The following MXRA5 variants were observed in gnomAD, a reference collection of about 807,000 sequenced individuals.
The protein encoded by MXRA5 is matrix-remodeling-associated protein 5.
A neutral mutation model predicts 112.5 loss-of-function variants in MXRA5; 41 were observed. The observed-to-expected ratio is 0.36, with a 90% confidence interval of 0.28 to 0.47. The LOEUF is 0.47. Among genes scored for constraint, MXRA5 ranks in the 20% least tolerant of loss-of-function variants. MXRA5 has a pLI of 0.99. For missense variants in MXRA5, 2,150 were observed against 2,251.0 expected, an observed-to-expected ratio of 0.96 and a Z score of 0.91; for synonymous variants, 862 against 900.8, an observed-to-expected ratio of 0.96 and a Z score of 0.77.
chrX:3,321,944 T>G lies in MXRA5; in HGVS notation c.3741A>C (p.Thr1247=). 1 of 1,211,553 alleles carries G rather than the reference T, an allele frequency of 8.3e-7. No individual in the cohort carries two copies. The highest frequency in any genetic ancestry group is 1.1e-6 in the Non-Finnish European group (1 of 895,415). ...RPNKHRYTPS[T]VSSRASGSKP... ...TGGATCCGGACGCTCTTGAGCTCAC[T>G]GTAGAAGGGGTATATCGATGTTTGT... is the stretch of plus-strand genomic sequence containing the variant. The change falls in exon 5 of 7, where the codon ACA becomes ACC. Residue 1247 remains threonine (T), a synonymous_variant. Transcript: ENST00000217939.
Position 3,322,617 on chromosome X carries a change from A to G in MXRA5, c.3068T>C (p.Ile1023Thr). 1 of 1,211,733 alleles carries G rather than the reference A, an allele frequency of 8.3e-7. No individual in the cohort carries two copies. The change falls in exon 5 of 7, where the codon ATA (isoleucine) becomes ACA (threonine). Residue 1023 changes from isoleucine (I) to threonine (T), a missense_variant. Around this residue, in one of 6 missense-constraint regions of MXRA5, gnomAD observed 1,485 missense variants for 1,471.6 expected, o/e 1.01. Coordinates refer to ENST00000217939, the MANE Select transcript of MXRA5 (RefSeq NM_015419.4). The stretch of plus-strand genomic sequence containing the variant: ...TTGGCCTGGGACACCTGGTTCCCCT[A>G]TAGTAGAATCCTCAAATAACTGTGA... ...STSQLFEDST[I>T]GEPGVPGQSH...
At chrX:3,341,098 T>TGTATA (rs1224524776) in intron 2 of MXRA5, among the ~76,000 whole-genome samples, 84 of 47,646 alleles carry the variant, frequency 1.8e-3, no homozygotes, top group African/African-American at 5.9e-3. Flanking sequence ...TAATATGTTA[T>TGTATA]ACATAATATA....
chrX:3,311,532 C>G lies in MXRA5; in HGVS notation c.6671G>C (p.Arg2224Pro). Residue 2224 changes from arginine (R) to proline (P), a missense_variant, in exon 7 of 7, where the codon CGA becomes CCA. Coordinates refer to ENST00000217939, the MANE Select transcript of MXRA5 (RefSeq NM_015419.4). ...KDAGDYLCVARNKVGDDYVVL... is the reference protein window; with the variant it reads ...KDAGDYLCVAPNKVGDDYVVL... ...CACGTAGTCATCACCAACCTTATTT[C>G]GAGCTACGCACAGGTAATCTCCGGC... 3 of 1,211,818 alleles carry G rather than the reference C, an allele frequency of 2.5e-6. No individual in the cohort carries two copies. The highest frequency in any genetic ancestry group is 3.3e-6 in the Non-Finnish European group (3 of 895,571).
intron 2 of MXRA5, among the ~76,000 whole-genome samples, chrX:3,342,617 G>A (rs1454607287): frequency 1.8e-5 from 2 of 111,896 alleles, no homozygotes; most frequent in South Asian, 7.5e-4. Context: ...TTAATGGTCT[G>A]TTGCCATGGG....
Position 3,317,838 on chromosome X carries a change from T to G in MXRA5, c.5843A>C (p.Gln1948Pro). 1.7e-6 allele frequency: 2 copies of G among 1,211,443 alleles called. No homozygotes were observed. The highest frequency in any genetic ancestry group is 2.2e-6 in the Non-Finnish European group (2 of 895,421). Reference protein sequence around the residue: ...RMVVLLSVTVQQPQILASHYQ... With the variant: ...RMVVLLSVTVPQPQILASHYQ... ...GTGGGAGGCTAGGATTTGAGGTTGCTGCACGGTGACCGAAAGCAAGACCAC... is the reference window on the plus strand; with the variant it reads ...GTGGGAGGCTAGGATTTGAGGTTGCGGCACGGTGACCGAAAGCAAGACCAC... The change falls in exon 6 of 7, where the codon CAG becomes CCG. Residue 1948 changes from glutamine to proline, a missense_variant. Gln to Pro is a moderately conservative substitution (Grantham distance 76, BLOSUM62 -1). This residue lies in a region of MXRA5 where 1,485 missense variants were observed against 1,471.6 expected (regional missense o/e 1.01). Transcript: ENST00000217939.
At chrX:3,336,330 G>C (rs1238385241) in intron 2 of MXRA5, among the ~76,000 whole-genome samples, 1 of 111,626 alleles carries the variant, frequency 9.0e-6, no homozygotes, top group Non-Finnish European at 1.9e-5. Flanking sequence ...GAAATAAAGT[G>C]CACAAAAATG....
At chrX:3,338,910 T>C (rs1261215748) in intron 2 of MXRA5, among the ~76,000 whole-genome samples, 1 of 108,823 alleles carries the variant, frequency 9.2e-6, no homozygotes, top group Non-Finnish European at 1.9e-5. Context: ...AGATAGATGA[T>C]AGGTAGGTAG....
chrX:3,338,764 A>G (rs1427717924), intron 2 of MXRA5, among the ~76,000 whole-genome samples: 1 of 110,622 alleles, frequency 9.0e-6, no homozygotes, highest in African/African-American at 3.3e-5. Context: ...AGAGAGATAG[A>G]TTGGCTGATT....
Position 3,323,989 on chromosome X carries a change from T to C in MXRA5, c.1696A>G (p.Met566Val), listed in dbSNP as rs368892933. ...IAQVRDEMDR[M>V]VYRVLVQSPS... ...GACTGCACAAGTACCCTATATACCA[T>C]GCGGTCCATTTCATCCCTCACTTGA... The change falls in exon 5 of 7, where the codon ATG becomes GTG. Residue 566 changes from methionine (M) to valine (V), a missense_variant. Physicochemically the swap from Met to Val is conservative, Grantham distance 21. Transcript: ENST00000217939. The C allele has an allele frequency of 1.7e-6, 2 of 1,203,308 alleles. No individual in the cohort carries two copies. The highest frequency in any genetic ancestry group is 2.2e-6 in the Non-Finnish European group (2 of 891,495).
chrX:3,337,264 A>G, intron 2 of MXRA5, among the ~76,000 whole-genome samples: 1 of 111,743 alleles, frequency 8.9e-6, no homozygotes, highest in East Asian at 2.8e-4. Context: ...GTTCAGAGTT[A>G]TTGGCCATCT....
At chrX:3,319,579 A>G (rs1194982166) in intron 5 of MXRA5, among the ~76,000 whole-genome samples, 1 of 112,870 alleles carries the variant, frequency 8.9e-6, no homozygotes, top group Non-Finnish European at 1.9e-5. Flanking sequence ...GTAAGACTCC[A>G]GTAACTTTCT....
At chrX:3,341,981 T>C (rs28733384) in intron 2 of MXRA5, among the ~76,000 whole-genome samples, 44,490 of 108,098 alleles carry the variant, frequency 0.41, 7,253 homozygotes, top group Non-Finnish European at 0.49. Flanking sequence ...AGGATTCAAA[T>C]GGGCTTTAGC....
intron 2 of MXRA5, among the ~76,000 whole-genome samples, chrX:3,336,841 T>C (rs984237092): frequency 1.8e-5 from 2 of 111,805 alleles, no homozygotes; most frequent in Admixed American, 1.9e-4. Flanking sequence ...CTGTTTGAAC[T>C]TCGCTCAATA....
intron 6 of MXRA5, among the ~76,000 whole-genome samples, chrX:3,312,707 A>C (rs1921006175): frequency 9.8e-6 from 1 of 102,521 alleles, no homozygotes; most frequent in South Asian, 4.8e-4. Context: ...GACTACAACA[A>C]TACACCAATA....
chrX:3,327,066 G>T (rs984466931), intron 4 of MXRA5, among the ~76,000 whole-genome samples: 2 of 111,141 alleles, frequency 1.8e-5, no homozygotes, highest in South Asian at 3.9e-4. Context: ...TACTCTCTCT[G>T]CCTGGGGAAA....
rs762522596 is a variant in MXRA5, at chrX:3,324,937, C to T, written c.748G>A (p.Gly250Ser). The change falls in exon 5 of 7, where the codon GGT (glycine) becomes AGT (serine). Residue 250 changes from glycine (G) to serine (S), a missense_variant. Transcript: ENST00000217939. Reference sequence around the variant, plus strand: ...CTGAAGCACATTGCACACAACTGACCGCCTTCATAAGCTTTGTCCTTTTTA... The same window carrying T: ...CTGAAGCACATTGCACACAACTGACTGCCTTCATAAGCTTTGTCCTTTTTA... ...KCKKDKAYEGGQLCAMCFSPK... is the reference protein window; with the variant it reads ...KCKKDKAYEGSQLCAMCFSPK... The T allele has an allele frequency of 6.5e-5, 78 of 1,191,972 alleles. No homozygotes were observed. The highest frequency in any genetic ancestry group is 1.8e-4 in the African/African-American group (10 of 56,898).
chrX:3,319,992 T>C lies in MXRA5; in HGVS notation c.5677+16A>G, dbSNP rs1259283480. 1 of 1,128,000 alleles carries C rather than the reference T, an allele frequency of 8.9e-7. No homozygotes were observed. The highest frequency in any genetic ancestry group is 1.2e-6 in the Non-Finnish European group (1 of 846,706). 93.0% of individuals were successfully genotyped at this position (1,128,000 alleles called of 1,213,427 possible). A position where few individuals can be genotyped will look rare whatever the true frequency, so the allele number is the denominator to read the frequency against. On this transcript the variant is annotated intron_variant, in intron 5 of 6. Transcript: ENST00000217939. ...ATTGACCAAAAAAAAAAAAAGTAGA[T>C]GCTTAAACATCTTACCTGTGGAAAC...
intron 2 of MXRA5, among the ~76,000 whole-genome samples, chrX:3,338,085 A>G (rs1921821116): frequency 9.0e-6 from 1 of 111,407 alleles, no homozygotes; most frequent in Non-Finnish European, 1.9e-5. Context: ...AATGGAATAG[A>G]GCCCTGGGAG....
intron 2 of MXRA5, among the ~76,000 whole-genome samples, chrX:3,336,519 T>A (rs908570390): frequency 3.6e-5 from 4 of 111,329 alleles, no homozygotes; most frequent in Admixed American, 1.9e-4. Context: ...AACAAAGCAG[T>A]GGTTCCCAAA....
Sources: allele counts gnomAD v4.1 joint callset (sites outside exome capture counted in the v4.1 genomes callset), GRCh38; gene constraint gnomAD v4.1.1; regional missense constraint gnomAD v4.1.1; transcripts MANE v1.5; gene names NCBI Gene and HGNC (gene_info 2026-07-23, HGNC 2026-07-21).